Variants in COQ5 observed in about 807,000 individuals in gnomAD.
COQ5 encodes the protein 2-methoxy-6-polyprenyl-1,4-benzoquinol methylase, mitochondrial.
COQ5 carries 27 observed loss-of-function variants against 40.5 expected under a neutral mutation model. The ratio of observed to expected loss-of-function variants is 0.67; its 90% CI spans 0.49 to 0.92. The LOEUF (loss-of-function observed/expected upper bound fraction) is 0.92, where lower values mean the gene tolerates loss of function less well. COQ5 is among the 40% of genes least tolerant of loss of function. The pLI is 0.00. For missense variants in COQ5, 409 were observed against 406.4 expected (o/e 1.01, Z -0.06); for synonymous variants, 141 against 150.0 (o/e 0.94, Z 0.44).
rs146130473 is a variant in COQ5, at chr12:120,503,735, A to G, written c.*49T>C. The G allele has an allele frequency of 4.2e-4, 588 of 1,383,860 alleles. 9 individuals carry two copies. The East Asian group carries it at 0.013, about 31-fold the overall frequency. 85.7% of individuals were successfully genotyped at this position (1,383,860 alleles called of 1,614,324 possible). A position where few individuals can be genotyped will look rare whatever the true frequency, so the allele number is the denominator to read the frequency against. The stretch of plus-strand genomic sequence containing the variant: ...ATTTGCCAGATTATCCTTCAGTTCC[A>G]GGCTTTCAACAGGATATGACTGGTT... On this transcript the variant is annotated 3_prime_UTR_variant, in exon 7 of 7. Coordinates refer to ENST00000288532, the MANE Select transcript of COQ5 (RefSeq NM_032314.4).
Position 120,516,773 on chromosome 12 carries a change from C to T in COQ5, c.368G>A (p.Arg123Gln), listed in dbSNP as rs760700169. 4.3e-6 allele frequency: 7 copies of T among 1,613,934 alleles called. No individual in the cohort carries two copies. The highest frequency in any genetic ancestry group is 2.7e-5 in the African/African-American group (2 of 74,908). ...VAGGTGDIAF[R>Q]FLNYVQSQHQ... is the part of the protein sequence containing the mutation. ...CTGGGACTGAACATAATTAAGGAAC[C>T]GGAATGCAATGTCACCTGTGGGAAG... Residue 123 changes from arginine to glutamine, a missense_variant, in exon 3 of 7, where the codon CGG (arginine) becomes CAG (glutamine). By Grantham distance (43) the Arg-to-Gln change is conservative. Coordinates refer to ENST00000288532, the MANE Select transcript of COQ5 (RefSeq NM_032314.4).
In COQ5 at chr12:120,503,870, T is replaced by C. The variant is rs1252500841; in HGVS notation, c.898A>G (p.Met300Val). The C allele has an allele frequency of 2.5e-6, 4 of 1,613,914 alleles. No homozygotes were observed. Among genetic ancestry groups the C allele is most frequent in the African/African-American group, 1.3e-5 (1 of 74,946 alleles). Residue 300 changes from methionine (M) to valine (V), a missense_variant, in exon 7 of 7, where the codon ATG becomes GTG. By Grantham distance (21) the Met-to-Val change is conservative. Coordinates refer to ENST00000288532, the MANE Select transcript of COQ5 (RefSeq NM_032314.4). ...TTGTGAAAGCCTGCATCTTCTATCA[T>C]GTCCTTGAACTCTTCCTGAAACACA... ...RFPSQEEFKD[M>V]IEDAGFHKVT...
At chr12:120,509,264 C>T (rs1869020476) in intron 4 of COQ5, among the ~76,000 whole-genome samples, 1 of 152,062 alleles carries the variant, frequency 6.6e-6, no homozygotes, top group Non-Finnish European at 1.5e-5. Flanking sequence ...GGCCTGTAAT[C>T]CCAGCATTTT....
intron 3 of COQ5, 73 bp from the exon 4 acceptor site, chr12:120,510,196 G>A (rs1434038244): frequency 2.5e-6 from 3 of 1,197,114 alleles, no homozygotes; most frequent in Non-Finnish European, 3.7e-6. Context: ...TTCATTTCAT[G>A]TAGAGCATTG....
chr12:120,516,071 G>A (rs186862028), intron 3 of COQ5, among the ~76,000 whole-genome samples: 87 of 152,288 alleles, frequency 5.7e-4, no homozygotes, highest in African/African-American at 2.0e-3. Context: ...TTATAGGTGT[G>A]AGCCATGGGC....
intron 1 of COQ5, among the ~76,000 whole-genome samples, chr12:120,525,916 C>G (rs1020484754): frequency 9.9e-5 from 14 of 141,278 alleles, no homozygotes; most frequent in Non-Finnish European, 1.7e-4. Context: ...CAGAGCGAGA[C>G]TCCATCTCCA....
chr12:120,524,809 T>C (rs960956267), intron 1 of COQ5, among the ~76,000 whole-genome samples: 8 of 150,986 alleles, frequency 5.3e-5, no homozygotes, highest in Non-Finnish European at 1.0e-4. Context: ...AAGTGCGCTC[T>C]TTCCTTTTTT....
intron 3 of COQ5, among the ~76,000 whole-genome samples, chr12:120,513,042 C>T (rs1277799630): frequency 6.6e-6 from 1 of 151,048 alleles, no homozygotes; most frequent in African/African-American, 2.4e-5. Flanking sequence ...TGAGGTGATC[C>T]ACCTGCCTCG....
chr12:120,508,675 A>C (rs1868990765), intron 4 of COQ5, among the ~76,000 whole-genome samples: 1 of 152,214 alleles, frequency 6.6e-6, no homozygotes, highest in African/African-American at 2.4e-5. Context: ...GGAGGCAAGG[A>C]TGGGAGGGAG....
In COQ5 at chr12:120,503,460, AAGC is replaced by A; in HGVS notation, c.*321_*323del. ...CCTCTAGAAGGCAGCACCAGCAGAG[AAGC>A]TATAAATACACTCACTTCAAAACTG... On this transcript the variant is annotated 3_prime_UTR_variant, in exon 7 of 7. Coordinates refer to ENST00000288532, the MANE Select transcript of COQ5 (RefSeq NM_032314.4). The A allele has an allele frequency of 2.2e-6, 1 of 461,126 alleles. No individual in the cohort carries two copies. Among genetic ancestry groups the A allele is most frequent in the Non-Finnish European group, 4.3e-6 (1 of 235,204 alleles). The allele number at this position is 461,126 out of a possible 1,614,324, so 28.6% of individuals were successfully genotyped here.
At chr12:120,509,803 G>C (rs1486773238) in intron 4 of COQ5, 1 of 568,050 alleles carries the variant, frequency 1.8e-6, no homozygotes, top group African/African-American at 1.9e-5. Context: ...CCCTGGGTGT[G>C]GTGGTGGGTT....
At chr12:120,514,402 C>A (rs1445264733) in intron 3 of COQ5, among the ~76,000 whole-genome samples, 1 of 152,006 alleles carries the variant, frequency 6.6e-6, no homozygotes, top group African/African-American at 2.4e-5. Context: ...CTCACAGTGG[C>A]CATCTGTGGT....
intron 2 of COQ5, among the ~76,000 whole-genome samples, chr12:120,519,863 T>C (rs1237129126): frequency 3.4e-4 from 36 of 106,906 alleles, no homozygotes; most frequent in Non-Finnish European, 7.8e-5. Context: ...AGAACGAGAC[T>C]TGGACTCAAA....
At chr12:120,526,687 T>C in intron 1 of COQ5, 1 of 208,938 alleles carries the variant, frequency 4.8e-6, no homozygotes, top group Non-Finnish European at 9.8e-6. Flanking sequence ...GTGCTCAAAC[T>C]ACTCTTGGCA....
At chr12:120,525,468 C>T (rs1319622818) in intron 1 of COQ5, among the ~76,000 whole-genome samples, 2 of 152,100 alleles carry the variant, frequency 1.3e-5, no homozygotes, top group Non-Finnish European at 2.9e-5. Flanking sequence ...AATAGTCCTC[C>T]TTGCTGGCAT....
chr12:120,513,581 T>A (rs1342707683), intron 3 of COQ5, among the ~76,000 whole-genome samples: 1 of 149,018 alleles, frequency 6.7e-6, no homozygotes, highest in Non-Finnish European at 1.5e-5. Flanking sequence ...TGTCACCCAG[T>A]CTGTAGTGTA....
At chr12:120,524,109 C>T (rs1565934301) in intron 1 of COQ5, 1 of 251,460 alleles carries the variant, frequency 4.0e-6, no homozygotes, top group South Asian at 3.4e-5. Flanking sequence ...TGGTGGGCAC[C>T]TAGATGCCAA....
At chr12:120,513,685 A>G (rs1262992724) in intron 3 of COQ5, among the ~76,000 whole-genome samples, 1 of 151,374 alleles carries the variant, frequency 6.6e-6, no homozygotes, top group Non-Finnish European at 1.5e-5. Flanking sequence ...ACGCCTGGCT[A>G]ATTTTTGTAT....
At chr12:120,513,532 C>T (rs1275541416) in intron 3 of COQ5, among the ~76,000 whole-genome samples, 2 of 150,022 alleles carry the variant, frequency 1.3e-5, no homozygotes, top group South Asian at 2.1e-4. Flanking sequence ...TTAAGTTACA[C>T]ATTAACTTTT....
Sources: gnomAD v4.1 joint callset for allele counts (sites outside exome capture counted in the v4.1 genomes callset) on GRCh38, gnomAD v4.1.1 for gene constraint, MANE v1.5 for transcripts, NCBI Gene and HGNC (gene_info 2026-07-23, HGNC 2026-07-21) for gene names.